Variants in VPS8 observed in about 807,000 individuals in gnomAD.
VPS8 encodes VPS8 subunit of CORVET complex, also known as vacuolar protein sorting-associated protein 8 homolog.
VPS8 carries 129 observed loss-of-function variants against 216.4 expected under a neutral mutation model. The ratio of observed to expected loss-of-function variants is 0.60; its 90% CI spans 0.52 to 0.69. VPS8 has a LOEUF of 0.69. Ranked by LOEUF, VPS8 falls within the 30% of genes least tolerant of loss-of-function variation. VPS8 has a pLI of 0.00. For synonymous variants in VPS8, 571 were observed against 565.4 expected, an observed-to-expected ratio of 1.01 and a Z score of -0.14; for missense variants, 1,531 against 1,683.5, an observed-to-expected ratio of 0.91 and a Z score of 1.59.
intron 3 of VPS8, among the ~76,000 whole-genome samples, chr3:184,826,528 A>G (rs955495068): frequency 5.3e-5 from 8 of 152,246 alleles, no homozygotes; most frequent in Non-Finnish European, 1.0e-4. Flanking sequence ...GGACAGCAGT[A>G]GTCTAGATTG....
At chr3:184,961,721 CTTTT>C (rs34091156) in intron 37 of VPS8, among the ~76,000 whole-genome samples, 15 of 143,860 alleles carry the variant, frequency 1.0e-4, no homozygotes, top group African/African-American at 3.3e-4. Flanking sequence ...TATAAGTTGC[CTTTT>C]TTTTTTTTTT....
rs906633354 is a variant in VPS8 at position 184,840,215 on chromosome 3, A to AT, written c.535+471dup. 36 of 152,950 alleles carry AT rather than the reference A, an allele frequency of 2.4e-4. No homozygotes were observed. In the South Asian group the frequency reaches 3.5e-3, roughly 15 times the overall value. 9.5% of individuals were successfully genotyped at this position (152,950 alleles called of 1,614,324 possible). On this transcript the variant is annotated intron_variant, in intron 7 of 47. Transcript: ENST00000625842. ...TCCATTGTAAATCACTCTAAACCGA[A>AT]TTTTTTTTGGCCTGTAATCACATTG...
chr3:184,869,361 C>T, intron 19 of VPS8, 121 bp from the exon 20 acceptor site: 1 of 1,030,386 alleles, frequency 9.7e-7, no homozygotes, highest in East Asian at 2.5e-5. Flanking sequence ...ATTTTGATAG[C>T]TAAGAATTGT....
chr3:184,893,063 G>C (rs972454819), intron 22 of VPS8, among the ~76,000 whole-genome samples: 2 of 152,104 alleles, frequency 1.3e-5, no homozygotes, highest in African/African-American at 4.8e-5. Context: ...AAAATATTTT[G>C]ATAAATATGA....
At chr3:185,026,358 A>G (rs935263170) in intron 46 of VPS8, among the ~76,000 whole-genome samples, 1 of 152,026 alleles carries the variant, frequency 6.6e-6, no homozygotes, top group South Asian at 2.1e-4. Flanking sequence ...TTTGGCATCC[A>G]CAGGAGGTCC....
At chr3:184,874,216 A>G (rs571748231) in intron 21 of VPS8, among the ~76,000 whole-genome samples, 1 of 152,196 alleles carries the variant, frequency 6.6e-6, no homozygotes, top group African/African-American at 2.4e-5. Flanking sequence ...AAGATAGTAT[A>G]TTCCTGGAAT....
chr3:184,927,745 T>C (rs1388446353), intron 31 of VPS8, among the ~76,000 whole-genome samples: 1 of 152,154 alleles, frequency 6.6e-6, no homozygotes, highest in East Asian at 1.9e-4. Flanking sequence ...CCCTGTTTTC[T>C]CCTCCCCAGC....
At chr3:184,888,527 C>A (rs2108889311) in intron 22 of VPS8, among the ~76,000 whole-genome samples, 1 of 152,306 alleles carries the variant, frequency 6.6e-6, no homozygotes, top group Admixed American at 6.5e-5. Context: ...CTTTCACACT[C>A]AATTCCTTGT....
At chr3:184,966,578 G>A (rs1237586949) in intron 38 of VPS8, 93 bp from the exon 39 acceptor site, 2 of 777,740 alleles carry the variant, frequency 2.6e-6, no homozygotes, top group African/African-American at 3.5e-5. Flanking sequence ...GTAGTTTTGA[G>A]GGGTTTACCT....
At chr3:184,833,861 A>G (rs1720512764) in intron 4 of VPS8, among the ~76,000 whole-genome samples, 1 of 152,142 alleles carries the variant, frequency 6.6e-6, no homozygotes, top group Non-Finnish European at 1.5e-5. Context: ...ACTGTTCTTC[A>G]TTTGCATTTA....
chr3:184,886,211 T>G (rs144262713), intron 22 of VPS8, 55 bp downstream of exon 22: 9 of 1,498,074 alleles, frequency 6.0e-6, no homozygotes, highest in Non-Finnish European at 8.2e-6. Flanking sequence ...TAGCCTCTTA[T>G]GTATAAGCCA....
chr3:185,024,872 C>T (rs1757132417), intron 46 of VPS8, among the ~76,000 whole-genome samples: 1 of 151,978 alleles, frequency 6.6e-6, no homozygotes, highest in Non-Finnish European at 1.5e-5. Flanking sequence ...CGTGGTGGTG[C>T]ATGCCTGTAA....
intron 5 of VPS8, among the ~76,000 whole-genome samples, chr3:184,837,288 C>A (rs575130336): frequency 2.0e-5 from 3 of 152,048 alleles, no homozygotes; most frequent in Non-Finnish European, 4.4e-5. Context: ...AACAGACCTT[C>A]GAATAACATC....
rs535788420 is a variant in VPS8 at position 184,970,756 on chromosome 3, G to A, written c.3317-893G>A. On this transcript the variant is annotated intron_variant, in intron 39 of 47. Coordinates refer to ENST00000625842, the MANE Select transcript of VPS8 (RefSeq NM_001009921.3). ...AAGGGACTGATCTGTTTGAACTTGT[G>A]CTTAAGAGAACCCTAGTGACAGTAT... Among the ~76,000 whole-genome samples the A allele has an allele frequency of 7.9e-5, 12 of 152,252 alleles. No individual in the cohort carries two copies. In the South Asian group the frequency reaches 2.5e-3, roughly 32 times the overall value.
intron 36 of VPS8, among the ~76,000 whole-genome samples, chr3:184,946,764 C>G (rs182134395): frequency 6.6e-6 from 1 of 152,258 alleles, no homozygotes; most frequent in African/African-American, 2.4e-5. Context: ...TTCCTCCCTC[C>G]TCATCCACAC....
intron 36 of VPS8, among the ~76,000 whole-genome samples, chr3:184,953,949 A>G (rs1745149344): frequency 6.6e-6 from 1 of 152,152 alleles, no homozygotes; most frequent in East Asian, 1.9e-4. Flanking sequence ...GCTTAGTCCC[A>G]CAAAACTAGC....
intron 45 of VPS8, among the ~76,000 whole-genome samples, chr3:185,022,952 T>G (rs1199853004): frequency 6.6e-6 from 1 of 152,204 alleles, no homozygotes; most frequent in East Asian, 1.9e-4. Context: ...TTAACCACTG[T>G]TTTAGTTATA....
intron 45 of VPS8, among the ~76,000 whole-genome samples, chr3:185,009,777 G>A (rs959671030): frequency 1.3e-5 from 2 of 151,990 alleles, no homozygotes; most frequent in African/African-American, 4.8e-5. Flanking sequence ...GACTCAGAGA[G>A]GGAGAACGAA....
intron 23 of VPS8, among the ~76,000 whole-genome samples, chr3:184,898,263 A>G (rs535708312): frequency 3.2e-4 from 48 of 152,296 alleles, no homozygotes; most frequent in Non-Finnish European, 5.3e-4. Context: ...TATGTGTTCA[A>G]TAAATATTTG....
Sources: gnomAD v4.1 joint callset for allele counts (sites outside exome capture counted in the v4.1 genomes callset) on GRCh38, gnomAD v4.1.1 for gene constraint, MANE v1.5 for transcripts, NCBI Gene and HGNC (gene_info 2026-07-23, HGNC 2026-07-21) for gene names.